Variants in GPHN observed in about 807,000 individuals in gnomAD.
GPHN encodes gephyrin.
GPHN carries 17 observed loss-of-function variants against 95.5 expected under a neutral mutation model. The ratio of observed to expected loss-of-function variants is 0.18; its 90% confidence interval spans 0.12 to 0.27. The LOEUF is 0.27. Among genes scored for constraint, GPHN ranks in the 10% least tolerant of loss-of-function variants. The probability of loss-of-function intolerance (pLI) is 1.00; values close to 1 mark genes in which losing one functional copy is unlikely to be tolerated. For synonymous variants in GPHN, 320 were observed against 322.5 expected (o/e 0.99, Z 0.08); for missense variants, 660 against 978.1 (o/e 0.67, Z 4.34).
chr14:66,603,744 CTT>C (rs2062376621), intron 1 of GPHN, among the ~76,000 whole-genome samples: 1 of 151,880 alleles, frequency 6.6e-6, no homozygotes, highest in Non-Finnish European at 1.5e-5. Flanking sequence ...AGTTAGGTCA[CTT>C]TTGTCACAAA....
chr14:67,532,844 A>G, the GPHN span, among the ~76,000 whole-genome samples: 3 of 152,284 alleles, frequency 2.0e-5, no homozygotes, highest in East Asian at 1.9e-4. Flanking sequence ...GAATGCTGGA[A>G]CCTTTGGCGG....
intron 17 of GPHN, among the ~76,000 whole-genome samples, chr14:67,126,899 T>A (rs566602849): frequency 6.6e-6 from 1 of 151,788 alleles, no homozygotes; most frequent in Non-Finnish European, 1.5e-5. Flanking sequence ...ATATACACCA[T>A]GGAATACTAT....
chr14:67,575,328 C>A, the GPHN span: 1 of 964,380 alleles, frequency 1.0e-6, no homozygotes, highest in Non-Finnish European at 1.6e-6. Context: ...TTCTATTTGC[C>A]AGTCCTGGAT....
chr14:67,724,391 A>C, the GPHN span: 1 of 795,186 alleles, frequency 1.3e-6, no homozygotes, highest in Admixed American at 2.4e-5. Context: ...GGCTGGATAG[A>C]GTTTTTTTTT....
intron 1 of GPHN, among the ~76,000 whole-genome samples, chr14:66,603,534 T>A (rs1262071082): frequency 6.6e-6 from 1 of 151,990 alleles, no homozygotes; most frequent in Non-Finnish European, 1.5e-5. Flanking sequence ...GATATATAGA[T>A]ATATCCAGTT....
the GPHN span, chr14:67,395,682 G>A: frequency 1.1e-6 from 1 of 895,902 alleles, no homozygotes; most frequent in East Asian, 2.5e-5. Flanking sequence ...AGGTGACAGT[G>A]ACTGCCAAAT....
chr14:66,557,273 A>G (rs2060046061), intron 1 of GPHN, among the ~76,000 whole-genome samples: 1 of 151,668 alleles, frequency 6.6e-6, no homozygotes, highest in South Asian at 2.1e-4. Context: ...AGATAGATAG[A>G]TAGATAGATA....
intron 9 of GPHN, among the ~76,000 whole-genome samples, chr14:67,006,036 T>C (rs1567204205): frequency 6.7e-6 from 1 of 149,542 alleles, no homozygotes; most frequent in African/African-American, 2.5e-5. Context: ...AAGGAGAAAA[T>C]AAAAGGAAGG....
chr14:67,073,556 G>A (rs1376483236), intron 11 of GPHN, among the ~76,000 whole-genome samples: 1 of 152,026 alleles, frequency 6.6e-6, no homozygotes, highest in African/African-American at 2.4e-5. Flanking sequence ...TTTATACATA[G>A]AAATGAATAT....
At chr14:67,463,193 A>G in the GPHN span, among the ~76,000 whole-genome samples, 2 of 151,712 alleles carry the variant, frequency 1.3e-5, no homozygotes, top group Admixed American at 1.3e-4. Flanking sequence ...CCGAGGTGGG[A>G]GGATCACTTG....
the GPHN span, chr14:67,302,415 T>A: frequency 2.5e-6 from 4 of 1,583,388 alleles, no homozygotes; most frequent in Non-Finnish European, 3.4e-6. Context: ...TTTAGGGTGC[T>A]ACAGTTCGTA....
intron 2 of GPHN, among the ~76,000 whole-genome samples, chr14:66,761,345 G>C (rs2058747391): frequency 6.6e-6 from 1 of 152,080 alleles, no homozygotes; most frequent in Non-Finnish European, 1.5e-5. Flanking sequence ...AAAAATTCAT[G>C]GCTAGTGATA....
At chr14:67,584,751 T>A in the GPHN span, among the ~76,000 whole-genome samples, 1 of 152,220 alleles carries the variant, frequency 6.6e-6, no homozygotes, top group African/African-American at 2.4e-5. Flanking sequence ...TCAGACACAG[T>A]CCTTGCCTTC....
At chr14:66,552,916 T>G (rs1339098542) in intron 1 of GPHN, among the ~76,000 whole-genome samples, 1 of 152,092 alleles carries the variant, frequency 6.6e-6, no homozygotes, top group African/African-American at 2.4e-5. Flanking sequence ...CTAATGTATC[T>G]CAGTGTGGTT....
At chr14:66,767,137 G>T (rs1157367966) in intron 2 of GPHN, among the ~76,000 whole-genome samples, 1 of 151,938 alleles carries the variant, frequency 6.6e-6, no homozygotes, top group African/African-American at 2.4e-5. Context: ...ATTTCAAGAT[G>T]CCTATTACGC....
At chr14:67,346,846 A>G in the GPHN span, among the ~76,000 whole-genome samples, 1 of 152,232 alleles carries the variant, frequency 6.6e-6, no homozygotes, top group East Asian at 1.9e-4. Flanking sequence ...ATGCAGAAAA[A>G]CAACACAGAA....
chr14:67,621,091 C>G, the GPHN span: 1 of 847,496 alleles, frequency 1.2e-6, no homozygotes, highest in Non-Finnish European at 1.9e-6. Context: ...CCCGCATCCT[C>G]CTTTGGATTC....
chr14:67,176,385 A>G (rs2082949764), intron 21 of GPHN, among the ~76,000 whole-genome samples: 2 of 152,102 alleles, frequency 1.3e-5, no homozygotes, highest in South Asian at 4.1e-4. Flanking sequence ...ACGTCTATTG[A>G]TTTGCATATG....
the GPHN span, among the ~76,000 whole-genome samples, chr14:67,723,175 G>A: frequency 6.6e-6 from 1 of 152,294 alleles, no homozygotes; most frequent in African/African-American, 2.4e-5. Flanking sequence ...AATGTTTTGG[G>A]ATGGCTTTTT....
Sources: gnomAD v4.1 joint callset for allele counts (sites outside exome capture counted in the v4.1 genomes callset) on GRCh38, gnomAD v4.1.1 for gene constraint, MANE v1.5 for transcripts, NCBI Gene and HGNC (gene_info 2026-07-23, HGNC 2026-07-21) for gene names.